Variants in NAV2 observed in about 807,000 individuals in gnomAD.
The protein encoded by NAV2 is helicase, APC down-regulated 1.
Under a neutral mutation model 223.2 loss-of-function variants are expected in NAV2, and 54 were observed. That is an observed-to-expected ratio of 0.24 (90% confidence interval 0.19 to 0.30). The LOEUF is 0.30. Ranked by LOEUF, NAV2 falls within the 10% of genes least tolerant of loss-of-function variation. NAV2 has a pLI of 1.00. For missense variants in NAV2, 2,806 were observed against 3,147.5 expected, an observed-to-expected ratio of 0.89 and a Z score of 2.60; for synonymous variants, 1,279 against 1,239.3, an observed-to-expected ratio of 1.03 and a Z score of -0.67.
chr11:19,859,137 C>CTTTTTTTTTT lies in NAV2; in HGVS notation c.439-9775_439-9766dup, dbSNP rs569446282. On this transcript the variant is annotated intron_variant, in intron 3 of 37. Coordinates refer to ENST00000349880, the MANE Select transcript of NAV2 (RefSeq NM_145117.5). The stretch of plus-strand genomic sequence containing the variant: ...ATGGAGGAGTCCAAAATCATATTCT[C>CTTTTTTTTTT]TTTTTTTTTTTTTTTTTTTTTTATT... Among the ~76,000 whole-genome samples the CTTTTTTTTTT allele has an allele frequency of 3.5e-4, 37 of 107,108 alleles. 2 individuals are homozygous for CTTTTTTTTTT. Among genetic ancestry groups the CTTTTTTTTTT allele is most frequent in the African/African-American group, 9.9e-4 (29 of 29,272 alleles). The allele number at this position is 107,108 out of a possible 152,430, so 70.3% of individuals were successfully genotyped here.
intron 1 of NAV2, among the ~76,000 whole-genome samples, chr11:19,447,357 C>A (rs1400805865): frequency 6.6e-6 from 1 of 152,178 alleles, no homozygotes. Flanking sequence ...TTTCCACTCA[C>A]CCTCATCTGA....
chr11:19,346,343 A>T (rs563646886), upstream of NAV2, among the ~76,000 whole-genome samples: 194 of 152,154 alleles, frequency 1.3e-3, no homozygotes, highest in African/African-American at 4.5e-3. Flanking sequence ...GGGGTGGTGT[A>T]GGTGGATCGG....
chr11:19,640,097 T>A (rs1289173008), intron 1 of NAV2, among the ~76,000 whole-genome samples: 2 of 152,190 alleles, frequency 1.3e-5, no homozygotes, highest in African/African-American at 4.8e-5. Flanking sequence ...AAACAGCCAT[T>A]TGGGCTTTAA....
intron 1 of NAV2, among the ~76,000 whole-genome samples, chr11:19,587,346 C>T (rs1389042355): frequency 6.6e-6 from 1 of 152,166 alleles, no homozygotes; most frequent in Non-Finnish European, 1.5e-5. Flanking sequence ...GATGCCTTGC[C>T]CTGCTTCAGC....
At chr11:19,464,599 C>G (rs1852283557) in intron 1 of NAV2, among the ~76,000 whole-genome samples, 1 of 152,176 alleles carries the variant, frequency 6.6e-6, no homozygotes, top group African/African-American at 2.4e-5. Flanking sequence ...TTCCTTTCAT[C>G]TATAATATTC....
intron 1 of NAV2, among the ~76,000 whole-genome samples, chr11:19,408,127 G>A (rs1284170271): frequency 2.6e-5 from 4 of 151,854 alleles, no homozygotes; most frequent in Admixed American, 6.6e-5. Context: ...CCCACTGAGC[G>A]GCCTCATCAC....
chr11:19,466,240 T>C lies in NAV2; in HGVS notation c.75+115213T>C, dbSNP rs563690525. On this transcript the variant is annotated intron_variant, in intron 1 of 37. Coordinates refer to the NAV2 transcript ENST00000360655. ...GAATGGGTTGGATATTTCATTTGTC[T>C]GTATTGGTGGGATTTCCCCTCCTGT... Among the ~76,000 whole-genome samples the C allele has an allele frequency of 5.3e-5, 8 of 152,338 alleles. No homozygotes were observed. In the East Asian group the frequency reaches 1.5e-3, roughly 29 times the overall value.
intron 1 of NAV2, among the ~76,000 whole-genome samples, chr11:19,587,054 T>A (rs1179843604): frequency 6.6e-6 from 1 of 152,218 alleles, no homozygotes; most frequent in Non-Finnish European, 1.5e-5. Flanking sequence ...CCGCTTTGTT[T>A]ACCTACTCAA....
chr11:19,827,044 G>A (rs2059673708), intron 1 of NAV2, among the ~76,000 whole-genome samples: 1 of 152,124 alleles, frequency 6.6e-6, no homozygotes, highest in African/African-American at 2.4e-5. Flanking sequence ...AATTAAGAGG[G>A]ACTTGATGGG....
intron 1 of NAV2, among the ~76,000 whole-genome samples, chr11:19,699,987 C>T (rs1039754209): frequency 2.6e-5 from 4 of 152,206 alleles, no homozygotes; most frequent in Admixed American, 2.0e-4. Context: ...GGGCTCATAG[C>T]CTCAGATTCT....
At chr11:20,107,568 G>A (rs2062249522) in intron 35 of NAV2, 96 bp from the exon 36 acceptor site, 1 of 929,864 alleles carries the variant, frequency 1.1e-6, no homozygotes, top group Non-Finnish European at 1.7e-6. Flanking sequence ...AACGTCTAGG[G>A]TCCCTCCTGT....
chr11:19,873,686 G>A (rs1197488943), intron 4 of NAV2, among the ~76,000 whole-genome samples: 1 of 152,096 alleles, frequency 6.6e-6, no homozygotes. Context: ...AGCAGCAGGT[G>A]GAACATTTCC....
chr11:19,416,634 G>A (rs1850382070), intron 1 of NAV2, among the ~76,000 whole-genome samples: 1 of 152,172 alleles, frequency 6.6e-6, no homozygotes, highest in African/African-American at 2.4e-5. Context: ...AGCCCGTACA[G>A]CCAAGACAAT....
intron 11 of NAV2, among the ~76,000 whole-genome samples, chr11:20,005,976 T>C (rs760017463): frequency 1.3e-4 from 20 of 152,214 alleles, no homozygotes; most frequent in Non-Finnish European, 2.6e-4. Flanking sequence ...ACCAGCTGAC[T>C]GCAGTGGCTC....
chr11:19,983,520 T>A (rs2050484172), intron 10 of NAV2, among the ~76,000 whole-genome samples: 1 of 152,212 alleles, frequency 6.6e-6, no homozygotes, highest in Non-Finnish European at 1.5e-5. Context: ...CACTTTCATA[T>A]TCCTTATCTC....
At chr11:20,058,318 T>G (rs963086128) in intron 19 of NAV2, among the ~76,000 whole-genome samples, 8 of 152,212 alleles carry the variant, frequency 5.3e-5, no homozygotes, top group Non-Finnish European at 1.2e-4. Context: ...TGCAATTTAA[T>G]TAGCTCTTTC....
rs1265637021 is a variant in NAV2 at position 19,939,641 on chromosome 11, G to T, written c.2034-20G>T. ...GTTGCCTCTCATGACAAGTGTGTCT[G>T]CTTCGGTTTGTGTGTGAAGGTCTCA... On this transcript the variant is annotated intron_variant, in intron 7 of 37. Transcript: ENST00000349880. The T allele has an allele frequency of 6.2e-7, 1 of 1,604,926 alleles. No individual in the cohort carries two copies.
chr11:19,532,893 G>A (rs948266401), intron 1 of NAV2, among the ~76,000 whole-genome samples: 1 of 152,210 alleles, frequency 6.6e-6, no homozygotes, highest in African/African-American at 2.4e-5. Context: ...TCAACAGAAA[G>A]GAAGGCAACT....
intron 1 of NAV2, among the ~76,000 whole-genome samples, chr11:19,577,287 T>C (rs1403720300): frequency 6.6e-6 from 1 of 152,242 alleles, no homozygotes; most frequent in Non-Finnish European, 1.5e-5. Flanking sequence ...AGCGTTCTAT[T>C]TGCTTCCTTC....
Sources: gnomAD v4.1 joint callset for allele counts (sites outside exome capture counted in the v4.1 genomes callset) on GRCh38, gnomAD v4.1.1 for gene constraint, MANE v1.5 for transcripts, NCBI Gene and HGNC (gene_info 2026-07-23, HGNC 2026-07-21) for gene names.